The following UGT1A8 variants were observed in gnomAD, a reference collection of about 807,000 sequenced individuals.
UGT1A8 encodes the protein UDP glucuronosyltransferase family 1 member A8.
A neutral mutation model predicts 45.3 loss-of-function variants in UGT1A8; 39 were observed. That is an observed-to-expected ratio of 0.86 (90% CI 0.67 to 1.12). The LOEUF (loss-of-function observed/expected upper bound fraction) is 1.12. Among genes scored for constraint, UGT1A8 ranks in the 50% most tolerant of loss-of-function variants. UGT1A8 has a pLI of 0.00. For missense variants in UGT1A8, 719 were observed against 664.9 expected (o/e 1.08, Z -0.90); for synonymous variants, 275 against 249.2 (o/e 1.10, Z -0.97).
At chr2:233,643,517 C>T (rs2073515493) in intron 1 of UGT1A8, among the ~76,000 whole-genome samples, 1 of 152,080 alleles carries the variant, frequency 6.6e-6, no homozygotes, top group Non-Finnish European at 1.5e-5. Context: ...TCAGGGACCC[C>T]AAAAGCCCTC....
intron 1 of UGT1A8, among the ~76,000 whole-genome samples, chr2:233,646,460 GCT>G (rs1220564091): frequency 1.3e-5 from 2 of 152,110 alleles, no homozygotes; most frequent in Non-Finnish European, 2.9e-5. Flanking sequence ...AAACCTTTAT[GCT>G]CTGTTTCCCT....
chr2:233,764,801 C>T (rs1177973907), intron 1 of UGT1A8, among the ~76,000 whole-genome samples: 8 of 152,184 alleles, frequency 5.3e-5, no homozygotes, highest in African/African-American at 1.9e-4. Context: ...GGTGTTCTTG[C>T]TACAAACCAA....
chr2:233,722,101 G>T, intron 1 of UGT1A8: 1 of 200,878 alleles, frequency 5.0e-6, no homozygotes, highest in East Asian at 1.4e-4. Context: ...AGGCCTCTTA[G>T]AGGAAGAGCT....
intron 1 of UGT1A8, chr2:233,672,718 C>T (rs1306295671): frequency 6.2e-7 from 1 of 1,613,902 alleles, no homozygotes; most frequent in Non-Finnish European, 8.5e-7. Context: ...TTTGGACTAT[C>T]CCAAACCCGT....
rs1699877276 is a variant in UGT1A8, at chr2:233,769,473, G to T, written c.1295+1034G>T. 7 of 1,609,972 alleles carry T rather than the reference G, an allele frequency of 4.3e-6. No homozygotes were observed. Among genetic ancestry groups the T allele is most frequent in the South Asian group, 2.2e-5 (2 of 90,952 alleles). On this transcript the variant is annotated intron_variant, in intron 4 of 4. Transcript: ENST00000373450. The surrounding 1 kb of genome is among the most constrained non-coding windows in gnomAD (Gnocchi z 4.4). ...CGTGTGCATTCATATGCGTGTGTGT[G>T]TGTGTGCGTGTGTTTATGAGAGTGT... is the stretch of plus-strand genomic sequence containing the variant.
intron 1 of UGT1A8, among the ~76,000 whole-genome samples, chr2:233,765,603 T>TG (rs1226627495): frequency 6.6e-6 from 1 of 151,130 alleles, no homozygotes; most frequent in African/African-American, 2.4e-5. Context: ...CCAGGGCTTG[T>TG]GGCGGGGTGA....
chr2:233,679,037 GA>G (rs2074436775), intron 1 of UGT1A8, among the ~76,000 whole-genome samples: 1 of 152,168 alleles, frequency 6.6e-6, no homozygotes, highest in African/African-American at 2.4e-5. Flanking sequence ...GGACTTTCAT[GA>G]CATTCTCTAT....
At chr2:233,694,141 T>G (rs1331885877) in intron 1 of UGT1A8, among the ~76,000 whole-genome samples, 1 of 152,094 alleles carries the variant, frequency 6.6e-6, no homozygotes, top group African/African-American at 2.4e-5. Context: ...GAATGAGCCT[T>G]AGAAATGTCC....
intron 1 of UGT1A8, among the ~76,000 whole-genome samples, chr2:233,661,558 A>G (rs1337738260): frequency 6.6e-6 from 1 of 152,158 alleles, no homozygotes; most frequent in Non-Finnish European, 1.5e-5. Flanking sequence ...TGAGATAAAA[A>G]GATATTTTGG....
intron 1 of UGT1A8, among the ~76,000 whole-genome samples, chr2:233,660,268 A>G (rs957421205): frequency 6.6e-6 from 1 of 152,174 alleles, no homozygotes; most frequent in Non-Finnish European, 1.5e-5. Context: ...AGTGTTGACA[A>G]TCCTTTCCAT....
chr2:233,692,066 G>A (rs1433912228), intron 1 of UGT1A8: 1 of 152,176 alleles, frequency 6.6e-6, no homozygotes, highest in South Asian at 2.1e-4. Flanking sequence ...AGGGAAGAAA[G>A]GAGAGAGAGA....
At chr2:233,718,330 T>A (rs2076647730) in intron 1 of UGT1A8, among the ~76,000 whole-genome samples, 1 of 152,162 alleles carries the variant, frequency 6.6e-6, no homozygotes, top group African/African-American at 2.4e-5. Flanking sequence ...GGCTTAGCAA[T>A]GTTGTATGTC....
At chr2:233,684,171 C>T (rs1233354047) in intron 1 of UGT1A8, among the ~76,000 whole-genome samples, 2 of 152,130 alleles carry the variant, frequency 1.3e-5, no homozygotes, top group African/African-American at 4.8e-5. Flanking sequence ...CTCATATTGG[C>T]AGATGTTTGG....
At chr2:233,646,194 C>A (rs1477671083) in intron 1 of UGT1A8, among the ~76,000 whole-genome samples, 1 of 152,188 alleles carries the variant, frequency 6.6e-6, no homozygotes, top group Non-Finnish European at 1.5e-5. Context: ...ATGCAAGACA[C>A]CAAGTCCCTA....
At chr2:233,663,114 G>A (rs778582809) in intron 1 of UGT1A8, among the ~76,000 whole-genome samples, 4 of 151,952 alleles carry the variant, frequency 2.6e-5, no homozygotes, top group Non-Finnish European at 4.4e-5. Context: ...TGAAGCTTGG[G>A]ACCCATTAAA....
chr2:233,750,148 T>C (rs1694375303), intron 1 of UGT1A8, among the ~76,000 whole-genome samples: 1 of 151,890 alleles, frequency 6.6e-6, no homozygotes, highest in Non-Finnish European at 1.5e-5. Flanking sequence ...TCCTAGAGAC[T>C]TGTTGAATGG....
At chr2:233,673,409 T>G (rs2074258228) in intron 1 of UGT1A8, among the ~76,000 whole-genome samples, 1 of 152,174 alleles carries the variant, frequency 6.6e-6, no homozygotes, top group African/African-American at 2.4e-5. Context: ...ATTTTGCATT[T>G]TTTGTCTTTA....
chr2:233,646,278 T>TG (rs1575398373), intron 1 of UGT1A8, among the ~76,000 whole-genome samples: 1 of 152,336 alleles, frequency 6.6e-6, no homozygotes, highest in East Asian at 1.9e-4. Context: ...AGGCCTGTGA[T>TG]GGGAGGGACT....
chr2:233,712,396 A>C (rs750718186), intron 1 of UGT1A8, among the ~76,000 whole-genome samples: 10 of 152,180 alleles, frequency 6.6e-5, no homozygotes, highest in Non-Finnish European at 1.0e-4. Context: ...CACTTCAGAG[A>C]GAGTCCTCTT....
Sources: gnomAD v4.1 joint callset for allele counts (sites outside exome capture counted in the v4.1 genomes callset) on GRCh38, gnomAD v4.1.1 for gene constraint, Gnocchi (gnomAD v3.1) non-coding constraint, MANE v1.5 for transcripts, NCBI Gene and HGNC (gene_info 2026-07-23, HGNC 2026-07-21) for gene names.